Variants in LANCL3 observed in about 807,000 individuals in gnomAD.
LANCL3 encodes LanC like family member 3.
In LANCL3, 19 loss-of-function variants were observed where a neutral mutation model predicts 26.5. The ratio of observed to expected loss-of-function variants is 0.72; its 90% CI spans 0.50 to 1.05. The LOEUF is 1.05. Among genes scored for constraint, LANCL3 ranks in the 50% least tolerant of loss-of-function variants. The probability of loss-of-function intolerance (pLI) is 0.00; values close to 1 mark genes in which losing one functional copy is unlikely to be tolerated. For missense variants in LANCL3, 318 were observed against 362.7 expected (o/e 0.88, Z 1.00); for synonymous variants, 160 against 166.6 (o/e 0.96, Z 0.30).
rs184622027 is a variant in LANCL3 at position 37,627,801 on chromosome X, C to G, written c.574-27887C>G. On this transcript the variant is annotated intron_variant, in intron 1 of 4. Coordinates refer to ENST00000378619, the MANE Select transcript of LANCL3 (RefSeq NM_001170331.2). ...CCAGCTCCACCCATTAGCTTTATAA[C>G]AGTGGGCAGTAAGCCCACAACCTCT... 1.2e-3 allele frequency among the ~76,000 whole-genome samples: 132 copies of G among 111,999 alleles called. 1 individual carries two copies. Among genetic ancestry groups the G allele is most frequent in the African/African-American group, 3.8e-3 (117 of 30,822 alleles).
chrX:37,574,278 A>T lies in LANCL3; in HGVS notation c.573+1835A>T, dbSNP rs148921338. ...CCCCTCCCCGCAAATCCTAGCCAGC[A>T]CAGGACTTTGTCCTCAGTAGGTGAT... On this transcript the variant is annotated intron_variant, in intron 1 of 4. Transcript: ENST00000378619. 6.2e-3 allele frequency among the ~76,000 whole-genome samples: 692 copies of T among 111,311 alleles called. 4 individuals carry two copies. The highest frequency in any genetic ancestry group is 9.5e-3 in the Non-Finnish European group (502 of 53,055).
chrX:37,657,929 A>G (rs1256734372), intron 2 of LANCL3, among the ~76,000 whole-genome samples: 4 of 111,948 alleles, frequency 3.6e-5, no homozygotes, highest in African/African-American at 1.3e-4. Flanking sequence ...TTAAAGTTAT[A>G]GAGTTGAGTT....
chrX:37,581,248 C>T (rs1556416978), intron 1 of LANCL3, among the ~76,000 whole-genome samples: 4 of 112,229 alleles, frequency 3.6e-5, no homozygotes, highest in Non-Finnish European at 7.5e-5. Flanking sequence ...ACTTCTTCCA[C>T]AGGTGCAAGA....
intron 1 of LANCL3, among the ~76,000 whole-genome samples, chrX:37,575,115 C>G (rs188385913): frequency 1.9e-5 from 2 of 107,498 alleles, no homozygotes; most frequent in Admixed American, 9.9e-5. Context: ...TTTGTAGAGA[C>G]AGAGTTTCAC....
At chrX:37,626,563 AACTC>A (rs1460474991) in intron 1 of LANCL3, among the ~76,000 whole-genome samples, 3 of 111,691 alleles carry the variant, frequency 2.7e-5, no homozygotes, top group Non-Finnish European at 5.7e-5. Flanking sequence ...GATGACCCTT[AACTC>A]ACTCTGACAA....
rs1926946740 is a variant in LANCL3, at chrX:37,682,052, TAAGTA to T, written c.*6240_*6244del. On this transcript the variant is annotated 3_prime_UTR_variant, in exon 5 of 5. Coordinates refer to ENST00000378619, the MANE Select transcript of LANCL3 (RefSeq NM_001170331.2). ...TAAACACCAAATACATACAGTTTCT[TAAGTA>T]GAGTAATGCAATTCTTGCTGATGTT... 2 of 112,073 alleles carry T rather than the reference TAAGTA, an allele frequency of 1.8e-5. No individual in the cohort carries two copies. The highest frequency in any genetic ancestry group is 6.5e-5 in the African/African-American group (2 of 30,898). 9.2% of individuals were successfully genotyped at this position (112,073 alleles called of 1,213,427 possible). A position where few individuals can be genotyped will look rare whatever the true frequency, so the allele number is the denominator to read the frequency against.
At chrX:37,612,208 C>A (rs1428915516) in intron 1 of LANCL3, among the ~76,000 whole-genome samples, 2 of 111,995 alleles carry the variant, frequency 1.8e-5, no homozygotes, top group African/African-American at 6.5e-5. Context: ...TCCCAAAGTG[C>A]TGGGATTACA....
At chrX:37,639,229 G>A in intron 1 of LANCL3, among the ~76,000 whole-genome samples, 1 of 99,733 alleles carries the variant, frequency 1.0e-5, no homozygotes, top group Non-Finnish European at 2.0e-5. Context: ...ATATATGTAT[G>A]TGTGTACCTA....
At chrX:37,666,450 A>C (rs1324808248) in intron 3 of LANCL3, among the ~76,000 whole-genome samples, 2 of 112,096 alleles carry the variant, frequency 1.8e-5, no homozygotes, top group African/African-American at 3.2e-5. Flanking sequence ...AATGAAAGGC[A>C]ATGATAACCC....
rs782450344 is a variant in LANCL3, at chrX:37,653,072, C to T, written c.574-2616C>T. On this transcript the variant is annotated intron_variant, in intron 1 of 4. Coordinates refer to ENST00000378619, the MANE Select transcript of LANCL3 (RefSeq NM_001170331.2). ...GGTCTCTATCCAGCCGAACAAGCGC[C>T]GGTTTCTCTTTGTTTTTCACAGTGT... Among the ~76,000 whole-genome samples, 5 of 111,321 alleles carry T rather than the reference C, an allele frequency of 4.5e-5. No individual in the cohort carries two copies. The East Asian group carries it at 8.5e-4, about 19-fold the overall frequency.
intron 1 of LANCL3, among the ~76,000 whole-genome samples, chrX:37,592,094 G>A (rs1275657316): frequency 5.4e-4 from 60 of 111,641 alleles, no homozygotes; most frequent in African/African-American, 1.7e-3. Flanking sequence ...AATTGTGGGC[G>A]CCTCCCTCCT....
At chrX:37,614,194 T>TGTGGGGGCCCCCTCCACTAACTGG (rs1556421476) in intron 1 of LANCL3, among the ~76,000 whole-genome samples, 2 of 111,518 alleles carry the variant, frequency 1.8e-5, no homozygotes, top group Non-Finnish European at 1.9e-5. Context: ...GGGGCACCTT[T>TGTGGGGGCCCCCTCCACTAACTGG]GGGCCTAATG....
At chrX:37,612,436 C>A (rs1924900666) in intron 1 of LANCL3, among the ~76,000 whole-genome samples, 1 of 111,507 alleles carries the variant, frequency 9.0e-6, no homozygotes, top group Non-Finnish European at 1.9e-5. Context: ...GATTGTTTAA[C>A]ATAGTAACAT....
intron 1 of LANCL3, among the ~76,000 whole-genome samples, chrX:37,605,227 A>ATTCAG (rs1341853296): frequency 8.9e-6 from 1 of 112,056 alleles, no homozygotes; most frequent in East Asian, 2.8e-4. Flanking sequence ...ATGTGGTATT[A>ATTCAG]TTCAGTTATG....
chrX:37,667,490 G>A lies in LANCL3; in HGVS notation c.1103+1G>A. ...CTAAATACATCTACCGAGCTCAAAG[G>A]TCAGCTGTTCTTTATGGGTCTTTTT... On this transcript the variant is annotated splice_donor_variant, in intron 4 of 4. Coordinates refer to ENST00000378619, the MANE Select transcript of LANCL3 (RefSeq NM_001170331.2). LOFTEE classifies it high-confidence loss of function. 1 of 1,115,713 alleles carries A rather than the reference G, an allele frequency of 9.0e-7. No homozygotes were observed. The highest frequency in any genetic ancestry group is 1.2e-6 in the Non-Finnish European group (1 of 851,627). 91.9% of individuals were successfully genotyped at this position (1,115,713 alleles called of 1,213,427 possible).
chrX:37,606,773 C>A (rs1924727687), intron 1 of LANCL3, among the ~76,000 whole-genome samples: 1 of 112,208 alleles, frequency 8.9e-6, no homozygotes, highest in African/African-American at 3.2e-5. Context: ...AGCTCAGCTT[C>A]CACGCCCTAA....
rs782687656 is a variant in LANCL3, at chrX:37,659,473, G to A, written c.709G>A (p.Gly237Ser). 33 of 1,206,666 alleles carry A rather than the reference G, an allele frequency of 2.7e-5. No individual in the cohort carries two copies. Among genetic ancestry groups the A allele is most frequent in the African/African-American group, 8.8e-5 (5 of 56,967 alleles). Residue 237 changes from glycine (G) to serine (S), a missense_variant, in exon 3 of 5, where the codon GGC becomes AGC. Physicochemically the swap from Gly to Ser is moderately conservative, Grantham distance 56 (BLOSUM62 0). Transcript: ENST00000378619. ...YGTEYLGAAHGLSSILQMLLS... is the reference protein window; with the variant it reads ...YGTEYLGAAHSLSSILQMLLS... ...GTTTGTTAATACAGGGGCAGCTCACGGCTTGTCGTCTATTCTTCAGATGCT... is the reference window on the plus strand; with the variant it reads ...GTTTGTTAATACAGGGGCAGCTCACAGCTTGTCGTCTATTCTTCAGATGCT...
chrX:37,582,338 G>A (rs1292257392), intron 1 of LANCL3, among the ~76,000 whole-genome samples: 1 of 111,842 alleles, frequency 8.9e-6, no homozygotes, highest in African/African-American at 3.3e-5. Flanking sequence ...TCTAGTTCTA[G>A]ATCCCTGAGG....
At position 37,667,258 on chromosome X, in the gene LANCL3, C is replaced by G. The variant is rs112305944; in HGVS notation, c.896-24C>G. 355 of 1,034,106 alleles carry G rather than the reference C, an allele frequency of 3.4e-4. 2 individuals carry two copies. In the African/African-American group the frequency reaches 6.0e-3, roughly 18 times the overall value. 85.2% of individuals were successfully genotyped at this position (1,034,106 alleles called of 1,213,427 possible). ...AAGTATTAAGTCCTGAAAGTCACCT[C>G]TAATATCTTTGATGTTTTCACAGGA... On this transcript the variant is annotated intron_variant, in intron 3 of 4. Transcript: ENST00000378619.
Sources: gnomAD v4.1 joint callset for allele counts (sites outside exome capture counted in the v4.1 genomes callset) on GRCh38, gnomAD v4.1.1 for gene constraint, MANE v1.5 for transcripts, NCBI Gene and HGNC (gene_info 2026-07-23, HGNC 2026-07-21) for gene names.